The following SOCS2 variants were observed in gnomAD, a reference collection of about 807,000 sequenced individuals.
SOCS2 encodes the protein suppressor of cytokine signaling 2, also known as CIS-2.
In SOCS2, 10 loss-of-function variants were observed where a neutral mutation model predicts 18.6. The ratio of observed to expected loss-of-function variants is 0.54; its 90% confidence interval spans 0.33 to 0.91. SOCS2 has a LOEUF of 0.91. Ranked by LOEUF, SOCS2 falls within the 40% of genes least tolerant of loss-of-function variation. The pLI is 0.02. For missense variants in SOCS2, 231 were observed against 247.2 expected, an observed-to-expected ratio of 0.93 and a Z score of 0.44; for synonymous variants, 104 against 104.0, an observed-to-expected ratio of 1.00 and a Z score of 0.00.
chr12:93,580,618 C>T, downstream of SOCS2, among the ~76,000 whole-genome samples: 1 of 73,136 alleles, frequency 1.4e-5, no homozygotes, highest in African/African-American at 4.9e-5. Flanking sequence ...GAGACTGTCT[C>T]AAAAAAAAAA....
Position 93,573,006 on chromosome 12 carries a change from G to C in SOCS2, c.109G>C (p.Ala37Pro). The change falls in exon 1 of 2, where the codon GCG becomes CCG. Residue 37 changes from alanine (A) to proline (P), a missense_variant. Coordinates refer to ENST00000551556, the MANE Select transcript of SOCS2 (RefSeq NM_001270471.2). ...GCCATCCCCGCAGGCGGCGCGTCTGGCGAAGGCCCTGCGGGAGCTCGGTCA... is the reference window on the plus strand; with the variant it reads ...GCCATCCCCGCAGGCGGCGCGTCTGCCGAAGGCCCTGCGGGAGCTCGGTCA... ...EEPSPQAARL[A>P]KALRELGQTG... 1 of 1,570,196 alleles carries C rather than the reference G, an allele frequency of 6.4e-7. No individual in the cohort carries two copies. Among genetic ancestry groups the C allele is most frequent in the Non-Finnish European group, 8.6e-7 (1 of 1,160,648 alleles).
chr12:93,614,466 CCTTCCTTCCTTCCTTT>C, the SOCS2 span, among the ~76,000 whole-genome samples: 10 of 91,748 alleles, frequency 1.1e-4, no homozygotes, highest in African/African-American at 5.8e-4. Flanking sequence ...TTCCTTCCTT[CCTTCCTTCCTTCCTTT>C]CCTTCCTTCC....
chr12:93,618,304 C>A, the SOCS2 span, among the ~76,000 whole-genome samples: 1 of 152,138 alleles, frequency 6.6e-6, no homozygotes, highest in Admixed American at 6.6e-5. Flanking sequence ...TTCTTTATAG[C>A]AGTGTGAGAA....
chr12:93,604,957 G>A, the SOCS2 span, among the ~76,000 whole-genome samples: 5 of 150,280 alleles, frequency 3.3e-5, no homozygotes, highest in East Asian at 1.9e-4. Flanking sequence ...CCACTGTGCC[G>A]GCCTGGATTT....
the SOCS2 span, among the ~76,000 whole-genome samples, chr12:93,592,168 A>G: frequency 6.6e-6 from 1 of 152,180 alleles, no homozygotes; most frequent in Non-Finnish European, 1.5e-5. Context: ...CGAAGCCTCT[A>G]TTTAAATCAT....
At chr12:93,583,002 T>G (rs954389176) in intron 1 of SOCS2, 50 of 103,802 alleles carry the variant, frequency 4.8e-4, no homozygotes, top group Middle Eastern at 8.0e-3. Flanking sequence ...TGGGTTTTGT[T>G]TTTTTTTTTT....
At position 93,572,960 on chromosome 12, in the gene SOCS2, G is replaced by C. The variant is rs1954309544; in HGVS notation, c.63G>C (p.Gly21=). 6.4e-7 allele frequency: 1 copy of C among 1,568,954 alleles called. No homozygotes were observed. The highest frequency in any genetic ancestry group is 8.6e-7 in the Non-Finnish European group (1 of 1,156,868). The part of the protein sequence containing the change: ...NGGEGTRSQW[G]TAGSAEEPSP... ...GGGAAGGGACGCGGAGCCAGTGGGGGACCGCGGGGTCGGCGGAGGAGCCAT... is the reference window on the plus strand; with the variant it reads ...GGGAAGGGACGCGGAGCCAGTGGGGCACCGCGGGGTCGGCGGAGGAGCCAT... The change falls in exon 1 of 2, where the codon GGG becomes GGC. Residue 21 remains glycine, a synonymous_variant. Coordinates refer to ENST00000551556, the MANE Select transcript of SOCS2 (RefSeq NM_001270471.2). This position sits in a 1 kb window ranked among gnomAD's most constrained non-coding sequence, Gnocchi z 5.0.
At chr12:93,582,847 G>A (rs527693880) in intron 1 of SOCS2, among the ~76,000 whole-genome samples, 1 of 152,248 alleles carries the variant, frequency 6.6e-6, no homozygotes, top group Admixed American at 6.5e-5. Flanking sequence ...AGATGTGATA[G>A]TACATTGGGG....
chr12:93,584,120 A>C (rs1954568996), downstream of SOCS2, among the ~76,000 whole-genome samples: 1 of 152,194 alleles, frequency 6.6e-6, no homozygotes, highest in African/African-American at 2.4e-5. Flanking sequence ...TTCAAAGTTA[A>C]GTTCCTTGTA....
the SOCS2 span, among the ~76,000 whole-genome samples, chr12:93,617,567 A>C: frequency 2.0e-5 from 3 of 152,188 alleles, no homozygotes; most frequent in Non-Finnish European, 4.4e-5. Flanking sequence ...AGGTCTTAGA[A>C]ATAAAATTAA....
the SOCS2 span, among the ~76,000 whole-genome samples, chr12:93,603,247 A>C: frequency 6.6e-6 from 1 of 152,168 alleles, no homozygotes; most frequent in African/African-American, 2.4e-5. Context: ...TAAAAAAACC[A>C]CTAACACTTA....
chr12:93,615,652 G>A, the SOCS2 span, among the ~76,000 whole-genome samples: 3 of 152,244 alleles, frequency 2.0e-5, no homozygotes, highest in African/African-American at 4.8e-5. Flanking sequence ...CTGGAGTGCA[G>A]TGGCACCATG....
chr12:93,601,319 A>G, the SOCS2 span, among the ~76,000 whole-genome samples: 1 of 151,722 alleles, frequency 6.6e-6, no homozygotes, highest in Admixed American at 6.6e-5. Flanking sequence ...CTGTCACCCA[A>G]GCTGGAGTGC....
downstream of SOCS2, among the ~76,000 whole-genome samples, chr12:93,580,634 A>G (rs564400271): frequency 6.6e-5 from 10 of 151,772 alleles, no homozygotes; most frequent in East Asian, 1.9e-3. Flanking sequence ...AAAAAAAAAA[A>G]AAAAAAGAAA....
At chr12:93,582,670 A>G (rs1377687270) in intron 1 of SOCS2, among the ~76,000 whole-genome samples, 1 of 152,208 alleles carries the variant, frequency 6.6e-6, no homozygotes, top group Admixed American at 6.5e-5. Context: ...TCAGGAAAGC[A>G]AGAGGTCGCG....
chr12:93,575,225 T>A lies in SOCS2; in HGVS notation c.*46T>A. 1 of 1,390,422 alleles carries A rather than the reference T, an allele frequency of 7.2e-7. No homozygotes were observed. The highest frequency in any genetic ancestry group is 9.7e-7 in the Non-Finnish European group (1 of 1,035,768). The allele number at this position is 1,390,422 out of a possible 1,614,324, so 86.1% of individuals were successfully genotyped here. A position where few individuals can be genotyped will look rare whatever the true frequency, so the allele number is the denominator to read the frequency against. ...ATGTCTCACATAGAGTATCTCCGAATGCAGCTATGTAAAAGAGAACCAAAA... is the reference window on the plus strand; with the variant it reads ...ATGTCTCACATAGAGTATCTCCGAAAGCAGCTATGTAAAAGAGAACCAAAA... On this transcript the variant is annotated 3_prime_UTR_variant, in exon 2 of 2. Coordinates refer to ENST00000551556, the MANE Select transcript of SOCS2 (RefSeq NM_001270471.2).
the SOCS2 span, among the ~76,000 whole-genome samples, chr12:93,596,511 A>G: frequency 6.6e-6 from 1 of 152,164 alleles, no homozygotes. Context: ...AGGCCCATGC[A>G]TTTGATCTCT....
the SOCS2 span, among the ~76,000 whole-genome samples, chr12:93,590,615 T>G: frequency 6.6e-6 from 1 of 150,712 alleles, no homozygotes; most frequent in African/African-American, 2.4e-5. Context: ...GCCAACATGG[T>G]GAAACCTGTC....
At position 93,573,003 on chromosome 12, in the gene SOCS2, C is replaced by A; in HGVS notation, c.106C>A (p.Leu36Met). The change falls in exon 1 of 2, where the codon CTG becomes ATG. Residue 36 changes from leucine (L) to methionine (M), a missense_variant. Physicochemically the swap from Leu to Met is conservative, Grantham distance 15. Transcript: ENST00000551556. ...AEEPSPQAAR[L>M]AKALRELGQT... ...GGAGCCATCCCCGCAGGCGGCGCGT[C>A]TGGCGAAGGCCCTGCGGGAGCTCGG... 6.4e-7 allele frequency: 1 copy of A among 1,570,188 alleles called. No individual in the cohort carries two copies. The highest frequency in any genetic ancestry group is 1.3e-5 in the African/African-American group (1 of 74,296).
Sources: gnomAD v4.1 joint callset for allele counts (sites outside exome capture counted in the v4.1 genomes callset) on GRCh38, gnomAD v4.1.1 for gene constraint, Gnocchi (gnomAD v3.1) non-coding constraint, MANE v1.5 for transcripts, NCBI Gene and HGNC (gene_info 2026-07-23, HGNC 2026-07-21) for gene names.